The following ADGRV1 variants were observed in gnomAD, a reference collection of about 807,000 sequenced individuals.
The protein encoded by ADGRV1 is adhesion G protein-coupled receptor V1.
ADGRV1 carries 359 observed loss-of-function variants against 596.2 expected under a neutral mutation model. The observed-to-expected ratio is 0.60, with a 90% confidence interval of 0.55 to 0.66. The LOEUF (loss-of-function observed/expected upper bound fraction) is 0.66. Among genes scored for constraint, ADGRV1 ranks in the 30% least tolerant of loss-of-function variants. The pLI is 0.00. For missense variants in ADGRV1, 7,274 were observed against 7,575.6 expected (o/e 0.96, Z 1.48); for synonymous variants, 2,681 against 2,679.2 (o/e 1.00, Z -0.02).
intron 84 of ADGRV1, among the ~76,000 whole-genome samples, chr5:90,977,863 A>T (rs1779745997): frequency 6.6e-6 from 1 of 152,196 alleles, no homozygotes; most frequent in Admixed American, 6.5e-5. Context: ...CAATAGCCTG[A>T]ATTACTAATT....
At position 90,755,196 on chromosome 5, in the gene ADGRV1, G is replaced by A; in HGVS notation, c.11580+11G>A. ...GTTTCCATTTTGCCGGTAAGTCAAG[G>A]CTGCAAAGAATGTGATCTAAAATAG... On this transcript the variant is annotated intron_variant, in intron 55 of 89. Coordinates refer to ENST00000405460, the MANE Select transcript of ADGRV1 (RefSeq NM_032119.4). The A allele has an allele frequency of 6.3e-7, 1 of 1,579,476 alleles. No homozygotes were observed.
chr5:90,616,471 T>G (rs530520796), intron 2 of ADGRV1, among the ~76,000 whole-genome samples: 1 of 152,166 alleles, frequency 6.6e-6, no homozygotes, highest in Admixed American at 6.5e-5. Flanking sequence ...CAACTTTAGG[T>G]TGAGTTTGGG....
intron 83 of ADGRV1, among the ~76,000 whole-genome samples, chr5:90,870,934 T>C (rs1328032504): frequency 6.6e-6 from 1 of 152,236 alleles, no homozygotes; most frequent in Non-Finnish European, 1.5e-5. Context: ...TTTTTAGGTC[T>C]AGGCAAGTGA....
At chr5:90,597,757 G>A (rs1760879108) in intron 1 of ADGRV1, among the ~76,000 whole-genome samples, 1 of 150,410 alleles carries the variant, frequency 6.6e-6, no homozygotes, top group South Asian at 2.1e-4. Context: ...AGAGGAAGAA[G>A]AGAAGAGGAA....
chr5:90,844,734 G>A (rs192004333), intron 78 of ADGRV1, among the ~76,000 whole-genome samples: 7 of 152,242 alleles, frequency 4.6e-5, no homozygotes, highest in Admixed American at 4.6e-4. Flanking sequence ...GGAATAATTA[G>A]TTCTGTAAAA....
intron 74 of ADGRV1, among the ~76,000 whole-genome samples, chr5:90,813,094 C>G (rs1178679799): frequency 8.0e-6 from 1 of 125,074 alleles, no homozygotes. Context: ...GATCACGCCA[C>G]TACACTCCAG....
Position 90,756,457 on chromosome 5 carries a change from G to C in ADGRV1, c.11584G>C (p.Asp3862His). 1.3e-6 allele frequency: 2 copies of C among 1,505,814 alleles called. 1 individual carries two copies. Among genetic ancestry groups the C allele is most frequent in the South Asian group, 2.9e-5 (2 of 69,658 alleles). 93.3% of individuals were successfully genotyped at this position (1,505,814 alleles called of 1,614,324 possible). A position where few individuals can be genotyped will look rare whatever the true frequency, so the allele number is the denominator to read the frequency against. The change falls in exon 56 of 90, where the codon GAC becomes CAC. Residue 3862 changes from aspartate (D) to histidine (H), a missense_variant. By Grantham distance (81) the Asp-to-His change is moderately conservative. Around this residue, in one of 5 missense-constraint regions of ADGRV1, gnomAD observed 3,643 missense variants for 3,809.2 expected, o/e 0.96. Transcript: ENST00000405460. The part of the protein sequence containing the change: ...AHAEVSILPD[D>H]LPELEEGFIV... ...ATCTTTTTCCCCCATCCCCCAGGAT[G>C]ACCTTCCTGAATTGGAGGAAGGATT...
chr5:91,101,795 A>G (rs1791400245), intron 86 of ADGRV1, among the ~76,000 whole-genome samples: 1 of 152,140 alleles, frequency 6.6e-6, no homozygotes, highest in South Asian at 2.1e-4. Flanking sequence ...GCATGCACAC[A>G]CACACACACG....
rs551308396 is a variant in ADGRV1 at position 90,638,389 on chromosome 5, T to A, written c.2240+441T>A. ...ATGTAATAAAATTCTCTTTTTTACA[T>A]GGAACTTAAACATTAATTTTATGAT... is the stretch of plus-strand genomic sequence containing the variant. On this transcript the variant is annotated intron_variant, in intron 11 of 89. Coordinates refer to ENST00000405460, the MANE Select transcript of ADGRV1 (RefSeq NM_032119.4). 3.3e-5 allele frequency among the ~76,000 whole-genome samples: 5 copies of A among 152,210 alleles called. No individual in the cohort carries two copies. The East Asian group carries it at 9.6e-4, about 29-fold the overall frequency.
intron 83 of ADGRV1, among the ~76,000 whole-genome samples, chr5:90,951,048 A>G (rs1172928018): frequency 6.6e-6 from 1 of 152,208 alleles, no homozygotes; most frequent in Non-Finnish European, 1.5e-5. Flanking sequence ...CATAAAAACA[A>G]TAGGCAAAAG....
At chr5:90,731,836 A>T (rs1752589414) in intron 50 of ADGRV1, among the ~76,000 whole-genome samples, 1 of 152,248 alleles carries the variant, frequency 6.6e-6, no homozygotes, top group Non-Finnish European at 1.5e-5. Flanking sequence ...CATCTATTTT[A>T]AAATGACAGC....
intron 48 of ADGRV1, among the ~76,000 whole-genome samples, 153 bp downstream of exon 48, chr5:90,725,809 A>G (rs1751694390): frequency 6.6e-6 from 1 of 152,220 alleles, no homozygotes; most frequent in African/African-American, 2.4e-5. Flanking sequence ...GTTAGTTAAA[A>G]GTTAATTTTT....
rs778774781 is a variant in ADGRV1, at chr5:90,676,121, T to C, written c.5355T>C (p.Tyr1785=). The C allele has an allele frequency of 2.9e-5, 46 of 1,604,410 alleles. No individual in the cohort carries two copies. Among genetic ancestry groups the C allele is most frequent in the Middle Eastern group, 1.8e-4 (1 of 5,710 alleles). Residue 1785 remains tyrosine, a synonymous_variant, in exon 25 of 90, where the codon TAT becomes TAC. Transcript: ENST00000405460. The part of the protein sequence containing the change: ...GTLEFQPGER[Y]KYIFINITDN... ...TAGAATTTCAACCAGGAGAAAGATATAAATACATTTTCATAAACATCACTG... is the reference window on the plus strand; with the variant it reads ...TAGAATTTCAACCAGGAGAAAGATACAAATACATTTTCATAAACATCACTG...
intron 83 of ADGRV1, among the ~76,000 whole-genome samples, chr5:90,959,492 G>A (rs1366622073): frequency 6.6e-6 from 1 of 152,050 alleles, no homozygotes; most frequent in African/African-American, 2.4e-5. Context: ...AAATGCAAAT[G>A]ACTAAGAGTA....
At chr5:90,747,157 T>G (rs965065650) in intron 52 of ADGRV1, among the ~76,000 whole-genome samples, 2 of 151,960 alleles carry the variant, frequency 1.3e-5, no homozygotes, top group Admixed American at 1.3e-4. Flanking sequence ...TGGTGGGGGA[T>G]GAGGGTGTGA....
chr5:91,004,333 A>G (rs1056759548), intron 85 of ADGRV1, among the ~76,000 whole-genome samples: 8 of 152,178 alleles, frequency 5.3e-5, no homozygotes. Flanking sequence ...TGAAAAGCAA[A>G]TATTTTTATA....
chr5:90,668,424 C>A (rs1398920785), intron 21 of ADGRV1, among the ~76,000 whole-genome samples: 2 of 151,938 alleles, frequency 1.3e-5, no homozygotes, highest in African/African-American at 4.9e-5. Context: ...AACTCCCTGA[C>A]CCCTTGCGCT....
chr5:90,701,239 C>T (rs1747873823), intron 34 of ADGRV1, among the ~76,000 whole-genome samples: 1 of 152,076 alleles, frequency 6.6e-6, no homozygotes, highest in Non-Finnish European at 1.5e-5. Context: ...AAATAACATA[C>T]TCTCTCTTAA....
intron 82 of ADGRV1, among the ~76,000 whole-genome samples, chr5:90,857,904 G>A (rs879734534): frequency 3.9e-5 from 6 of 152,008 alleles, no homozygotes. Flanking sequence ...CCTGAAATAC[G>A]GCAGTATACA....
Sources: allele counts gnomAD v4.1 joint callset (sites outside exome capture counted in the v4.1 genomes callset), GRCh38; gene constraint gnomAD v4.1.1; regional missense constraint gnomAD v4.1.1; transcripts MANE v1.5; gene names NCBI Gene and HGNC (gene_info 2026-07-23, HGNC 2026-07-21).